The following TPO variants were observed in gnomAD, a reference collection of about 807,000 sequenced individuals.
The protein encoded by TPO is thyroid microsomal antigen.
TPO carries 78 observed loss-of-function variants against 96.9 expected under a neutral mutation model. The observed-to-expected ratio is 0.81, with a 90% CI of 0.67 to 0.97. The LOEUF (loss-of-function observed/expected upper bound fraction) is 0.97. TPO is among the 50% of genes least tolerant of loss of function. The pLI, the probability that TPO is intolerant of heterozygous loss-of-function variation, is 0.00. For missense variants in TPO, 1,252 were observed against 1,274.8 expected, an observed-to-expected ratio of 0.98 and a Z score of 0.27; for synonymous variants, 547 against 538.0, an observed-to-expected ratio of 1.02 and a Z score of -0.23.
Position 1,469,976 on chromosome 2 carries a change from G to C in TPO, c.820-7110G>C, listed in dbSNP as rs1405603177. On this transcript the variant is annotated intron_variant, in intron 7 of 16. Coordinates refer to ENST00000329066, the MANE Select transcript of TPO (RefSeq NM_001206744.2). The stretch of plus-strand genomic sequence containing the variant: ...CAAGTGAGAGCTGAAACCTAGTCCT[G>C]CCTCTTGTCCGCCATGATCCGTCAC... 3.9e-5 allele frequency among the ~76,000 whole-genome samples: 6 copies of C among 152,122 alleles called. No individual in the cohort carries two copies. The East Asian group carries it at 1.2e-3, about 29-fold the overall frequency.
intron 15 of TPO, among the ~76,000 whole-genome samples, chr2:1,521,460 C>T (rs979002295): frequency 8.5e-5 from 13 of 152,126 alleles, no homozygotes; most frequent in African/African-American, 3.1e-4. Flanking sequence ...TGACCGGGTG[C>T]CCTCTTCCCC....
chr2:1,427,560 C>T (rs1005794233), intron 3 of TPO, among the ~76,000 whole-genome samples: 15 of 152,310 alleles, frequency 9.8e-5, no homozygotes, highest in Non-Finnish European at 1.6e-4. Flanking sequence ...TGGCAAAGAG[C>T]GGGCACTGCA....
chr2:1,540,920 A>G, intron 16 of TPO, 197 bp downstream of exon 16: 7 of 1,538,066 alleles, frequency 4.6e-6, no homozygotes, highest in Non-Finnish European at 6.1e-6. Flanking sequence ...GCTTAGTGAG[A>G]GGAATGAAGA....
chr2:1,492,370 G>A (rs1207314830), intron 10 of TPO, among the ~76,000 whole-genome samples: 1 of 152,128 alleles, frequency 6.6e-6, no homozygotes, highest in African/African-American at 2.4e-5. Context: ...GGCCAGGCTG[G>A]TCTTAAACTC....
At position 1,477,289 on chromosome 2, in the gene TPO, G is replaced by T; in HGVS notation, c.1023G>T (p.Arg341=). The T allele has an allele frequency of 6.3e-7, 1 of 1,593,986 alleles. No homozygotes were observed. Among genetic ancestry groups the T allele is most frequent in the Non-Finnish European group, 8.5e-7 (1 of 1,171,870 alleles). ...GSSPALERQL[R]NWTSAEGLLR... ...CCCCGGCCCTAGAGAGGCAGCTGCG[G>T]AACTGGACCAGTGCCGAAGGGCTGC... is the stretch of plus-strand genomic sequence containing the variant. Residue 341 remains arginine (R), a synonymous_variant, in exon 8 of 17, where the codon CGG becomes CGT. Coordinates refer to ENST00000329066, the MANE Select transcript of TPO (RefSeq NM_001206744.2).
intron 14 of TPO, chr2:1,512,384 T>A (rs1674242974): frequency 1.0e-6 from 1 of 985,292 alleles, no homozygotes; most frequent in South Asian, 4.7e-5. Context: ...TCCATCTGCC[T>A]CTCCAGATCC....
At chr2:1,403,825 G>A (rs1014700027) in intron 1 of TPO, among the ~76,000 whole-genome samples, 3 of 152,236 alleles carry the variant, frequency 2.0e-5, no homozygotes, top group African/African-American at 7.2e-5. Flanking sequence ...AGAGCACGCC[G>A]GGCCCCACCA....
chr2:1,467,883 C>G (rs1408885599), intron 7 of TPO, among the ~76,000 whole-genome samples: 2 of 134,116 alleles, frequency 1.5e-5, no homozygotes, highest in African/African-American at 5.4e-5. Flanking sequence ...GTTAGGTGCA[C>G]ATTTATTTAG....
chr2:1,480,850 T>TCCCTCCTCCTTCATCCGTCC (rs1296928653), intron 8 of TPO, among the ~76,000 whole-genome samples: 2 of 60,622 alleles, frequency 3.3e-5, no homozygotes, highest in Non-Finnish European at 8.4e-5. Context: ...GTCCTCACCA[T>TCCCTCCTCCTTCATCCGTCC]ACCCACTCTA....
At chr2:1,483,616 C>T (rs1457865757) in intron 8 of TPO, among the ~76,000 whole-genome samples, 1 of 152,204 alleles carries the variant, frequency 6.6e-6, no homozygotes, top group Non-Finnish European at 1.5e-5. Flanking sequence ...TGCAACTGCT[C>T]TCTGGGATGC....
chr2:1,477,489 C>A lies in TPO; in HGVS notation c.1223C>A (p.Thr408Lys). 6.5e-7 allele frequency: 1 copy of A among 1,531,404 alleles called. No individual in the cohort carries two copies. Among genetic ancestry groups the A allele is most frequent in the Non-Finnish European group, 8.7e-7 (1 of 1,144,350 alleles). The allele number at this position is 1,531,404 out of a possible 1,614,324, so 94.9% of individuals were successfully genotyped here. ...SEVPSLTALH[T>K]LWLREHNRLA... ...GTCCCCTCCCTGACGGCACTGCACA[C>A]GCTGTGGCTGCGCGAGCACAACCGC... The change falls in exon 8 of 17, where the codon ACG becomes AAG. Residue 408 changes from threonine to lysine, a missense_variant. Transcript: ENST00000329066.
chr2:1,506,141 G>T (rs972672238), intron 14 of TPO, among the ~76,000 whole-genome samples: 20 of 152,034 alleles, frequency 1.3e-4, no homozygotes, highest in Admixed American at 8.5e-4. Context: ...GCGGTGTTTG[G>T]TTTTTTGTCC....
chr2:1,526,850 G>A (rs1258648738), intron 15 of TPO, among the ~76,000 whole-genome samples: 1 of 115,276 alleles, frequency 8.7e-6, no homozygotes, highest in African/African-American at 3.7e-5. Flanking sequence ...CCCACTCTGT[G>A]CAACCTCCCC....
intron 6 of TPO, among the ~76,000 whole-genome samples, chr2:1,454,680 G>T (rs1667627260): frequency 6.6e-6 from 1 of 152,130 alleles, no homozygotes; most frequent in African/African-American, 2.4e-5. Context: ...GCCTCAGTTG[G>T]ACAATCCCTA....
intron 15 of TPO, among the ~76,000 whole-genome samples, chr2:1,537,438 A>C (rs58716768): frequency 0.016 from 496 of 31,678 alleles, no homozygotes; most frequent in South Asian, 0.036. Context: ...TTGTGTGCAA[A>C]CTCCCAAATC....
At chr2:1,540,985 T>TGCTTCCACTTAATCTGAGGATC in intron 16 of TPO, 2 of 1,444,238 alleles carry the variant, frequency 1.4e-6, no homozygotes. Context: ...TTCAGGCGTT[T>TGCTTCCACTTAATCTGAGGATC]GCTTCCACTT....
chr2:1,535,355 C>CA (rs1558435609), intron 15 of TPO, among the ~76,000 whole-genome samples: 79 of 82,718 alleles, frequency 9.6e-4, no homozygotes, highest in Non-Finnish European at 1.4e-3. Context: ...CTACTCAAAT[C>CA]CCCCCACTGT....
chr2:1,497,403 G>C (rs538171295), intron 13 of TPO, among the ~76,000 whole-genome samples: 3 of 152,200 alleles, frequency 2.0e-5, no homozygotes, highest in East Asian at 1.9e-4. Context: ...AGAGCCTCCC[G>C]GGGGGAGAGC....
chr2:1,508,408 T>C (rs1005869169), intron 14 of TPO, among the ~76,000 whole-genome samples: 14 of 152,202 alleles, frequency 9.2e-5, no homozygotes, highest in Non-Finnish European at 1.5e-4. Context: ...ATAAAATGAG[T>C]TAGGGAGGAT....
Sources: allele counts gnomAD v4.1 joint callset (sites outside exome capture counted in the v4.1 genomes callset), GRCh38; gene constraint gnomAD v4.1.1; transcripts MANE v1.5; gene names NCBI Gene and HGNC (gene_info 2026-07-23, HGNC 2026-07-21).